GARRE1: variants seen among roughly 807,000 people sequenced by gnomAD.
GARRE1 encodes the protein granule associated Rac and RHOG effector 1.
In GARRE1, 49 loss-of-function variants were observed where a neutral mutation model predicts 103.2. The ratio of observed to expected loss-of-function variants is 0.47; its 90% CI spans 0.38 to 0.60. The LOEUF (loss-of-function observed/expected upper bound fraction) is 0.60. Among genes scored for constraint, GARRE1 ranks in the 20% least tolerant of loss-of-function variants. GARRE1 has a pLI of 0.00. For missense variants in GARRE1, 1,199 were observed against 1,370.5 expected (o/e 0.87, Z 1.98); for synonymous variants, 505 against 532.8 (o/e 0.95, Z 0.72).
chr19:34,300,722 T>A lies in GARRE1; in HGVS notation c.249T>A (p.Tyr83Ter). ...ACATCCAGCAGGGCATCTCCAAGTA[T>A]CTGGATGCCCTGAACGTCTTCTGCC... is the stretch of plus-strand genomic sequence containing the variant. Reference protein sequence around the residue: ...IADIQQGISKYLDALNVFCRA... With the variant: ...IADIQQGISK Residue 83 changes from tyrosine (Y) to a stop codon, truncating the protein, a stop_gained, in exon 2 of 14, where the codon TAT becomes TAA. Transcript: ENST00000299505. LOFTEE classifies it high-confidence loss of function. 1 of 1,614,168 alleles carries A rather than the reference T, an allele frequency of 6.2e-7. No individual in the cohort carries two copies. Among genetic ancestry groups the A allele is most frequent in the Non-Finnish European group, 8.5e-7 (1 of 1,180,024 alleles).
chr19:34,348,291 A>C, intron 11 of GARRE1: 1 of 341,954 alleles, frequency 2.9e-6, no homozygotes. Context: ...TTCAAAACAG[A>C]CTCTTCAGCC....
intron 2 of GARRE1, among the ~76,000 whole-genome samples, chr19:34,312,819 C>T (rs563373655): frequency 5.3e-5 from 8 of 152,154 alleles, no homozygotes; most frequent in African/African-American, 1.9e-4. Flanking sequence ...CCCAGTTACT[C>T]AGGAGGCTGA....
At chr19:34,325,995 A>G (rs928215260) in intron 3 of GARRE1, among the ~76,000 whole-genome samples, 4 of 151,976 alleles carry the variant, frequency 2.6e-5, no homozygotes, top group African/African-American at 7.3e-5. Context: ...TGTTTCCCGC[A>G]GTGTTTTTTC....
At chr19:34,337,648 A>G (rs886963779) in intron 8 of GARRE1, among the ~76,000 whole-genome samples, 1 of 152,200 alleles carries the variant, frequency 6.6e-6, no homozygotes, top group African/African-American at 2.4e-5. Context: ...AAGAACAGGT[A>G]GAGGGTTTTA....
At chr19:34,270,456 T>G (rs2073780470) in intron 1 of GARRE1, among the ~76,000 whole-genome samples, 1 of 152,112 alleles carries the variant, frequency 6.6e-6, no homozygotes, top group Non-Finnish European at 1.5e-5. Flanking sequence ...CTCTGCAGCT[T>G]GAGGGAAGGT....
intron 2 of GARRE1, among the ~76,000 whole-genome samples, chr19:34,317,179 T>G (rs2074063859): frequency 6.6e-6 from 1 of 152,222 alleles, no homozygotes; most frequent in African/African-American, 2.4e-5. Flanking sequence ...CCGTCTGTGT[T>G]CCTTTCCCAG....
intron 1 of GARRE1, among the ~76,000 whole-genome samples, chr19:34,298,593 C>G (rs1259980759): frequency 2.0e-5 from 3 of 151,702 alleles, no homozygotes; most frequent in African/African-American, 7.3e-5. Flanking sequence ...GCTTGTAATC[C>G]CAGCTACTCA....
chr19:34,347,233 C>T (rs971513921), intron 10 of GARRE1, among the ~76,000 whole-genome samples: 5 of 152,100 alleles, frequency 3.3e-5, no homozygotes, highest in Middle Eastern at 3.4e-3. Flanking sequence ...GGATTACAGG[C>T]GCCTGCCACC....
At chr19:34,349,746 C>T (rs1045059074) in intron 12 of GARRE1, among the ~76,000 whole-genome samples, 6 of 152,108 alleles carry the variant, frequency 3.9e-5, no homozygotes, top group Non-Finnish European at 7.4e-5. Context: ...CCCAGGCACT[C>T]GAAGCCATGC....
chr19:34,267,665 T>TTG (rs1487032669), intron 1 of GARRE1, among the ~76,000 whole-genome samples: 1 of 152,152 alleles, frequency 6.6e-6, no homozygotes, highest in Non-Finnish European at 1.5e-5. Flanking sequence ...CTTTTGCACA[T>TTG]TGTACCACAC....
At chr19:34,287,737 T>A (rs1599756785) in intron 1 of GARRE1, among the ~76,000 whole-genome samples, 1 of 152,232 alleles carries the variant, frequency 6.6e-6, no homozygotes, top group South Asian at 2.1e-4. Context: ...GAACCCTCTT[T>A]CGGGATGCAG....
intron 1 of GARRE1, among the ~76,000 whole-genome samples, chr19:34,284,934 G>A (rs1327937597): frequency 6.6e-6 from 1 of 152,190 alleles, no homozygotes; most frequent in Admixed American, 6.5e-5. Flanking sequence ...GCATATGCCT[G>A]TAGTCCCAGC....
chr19:34,333,864 T>C, intron 8 of GARRE1, 63 bp downstream of exon 8: 1 of 993,038 alleles, frequency 1.0e-6, no homozygotes, highest in Non-Finnish European at 1.6e-6. Context: ...ATCTTTGAAA[T>C]GATGGCCTTG....
rs747373182 is a variant in GARRE1, at chr19:34,352,722, C to T, written c.2980C>T (p.Pro994Ser). 23 of 1,613,982 alleles carry T rather than the reference C, an allele frequency of 1.4e-5. No individual in the cohort carries two copies. Among genetic ancestry groups the T allele is most frequent in the Admixed American group, 1.2e-4 (7 of 59,996 alleles). Reference protein sequence around the residue: ...PSPLPSTLPSPSAPLYAVTSP... With the variant: ...PSPLPSTLPSSSAPLYAVTSP... The stretch of plus-strand genomic sequence containing the variant: ...CCCGCTTCCCAGCACGCTGCCCAGC[C>T]CCAGCGCACCACTCTATGCAGTCAC... The change falls in exon 14 of 14, where the codon CCC becomes TCC. Residue 994 changes from proline (P) to serine (S), a missense_variant. Physicochemically the swap from Pro to Ser is moderately conservative, Grantham distance 74. Coordinates refer to ENST00000299505, the MANE Select transcript of GARRE1 (RefSeq NM_014686.5).
At chr19:34,345,210 C>A (rs146230429) in intron 10 of GARRE1, among the ~76,000 whole-genome samples, 1 of 152,170 alleles carries the variant, frequency 6.6e-6, no homozygotes, top group Admixed American at 6.5e-5. Flanking sequence ...ACCTCAGCCT[C>A]CTAAAGTGCT....
chr19:34,352,741 C>G lies in GARRE1; in HGVS notation c.2999C>G (p.Ala1000Gly). ...TLPSPSAPLYAVTSPGSQWND... is the reference protein window; with the variant it reads ...TLPSPSAPLYGVTSPGSQWND... ...CCCAGCCCCAGCGCACCACTCTATGCAGTCACCAGCCCTGGCAGCCAGTGG... is the reference window on the plus strand; with the variant it reads ...CCCAGCCCCAGCGCACCACTCTATGGAGTCACCAGCCCTGGCAGCCAGTGG... The change falls in exon 14 of 14, where the codon GCA (alanine) becomes GGA (glycine). Residue 1000 changes from alanine (A) to glycine (G), a missense_variant. Transcript: ENST00000299505. 6.2e-7 allele frequency: 1 copy of G among 1,614,122 alleles called. No homozygotes were observed. Among genetic ancestry groups the G allele is most frequent in the Non-Finnish European group, 8.5e-7 (1 of 1,179,996 alleles).
At chr19:34,269,647 T>C (rs749066465) in intron 1 of GARRE1, among the ~76,000 whole-genome samples, 44 of 152,094 alleles carry the variant, frequency 2.9e-4, no homozygotes, top group Admixed American at 6.6e-4. Context: ...ACTGCAACCA[T>C]GAACACCTGG....
chr19:34,330,313 C>A lies in GARRE1; in HGVS notation c.1229C>A (p.Thr410Lys). ...CPSTWRGACK[T>K]AVQLLFGQAG... ...TCCACATGGCGAGGTGCCTGCAAGACGGCGGTGCAGCTGCTGTTTGGCCAG... is the reference window on the plus strand; with the variant it reads ...TCCACATGGCGAGGTGCCTGCAAGAAGGCGGTGCAGCTGCTGTTTGGCCAG... Residue 410 changes from threonine to lysine, a missense_variant, in exon 7 of 14, where the codon ACG becomes AAG. Transcript: ENST00000299505. 6.2e-7 allele frequency: 1 copy of A among 1,614,176 alleles called. No homozygotes were observed. Among genetic ancestry groups the A allele is most frequent in the Non-Finnish European group, 8.5e-7 (1 of 1,180,036 alleles).
At position 34,319,987 on chromosome 19, in the gene GARRE1, G is replaced by A. The variant is rs752282451; in HGVS notation, c.576G>A (p.Val192=). 6.2e-7 allele frequency: 1 copy of A among 1,614,236 alleles called. No individual in the cohort carries two copies. Among genetic ancestry groups the A allele is most frequent in the Admixed American group, 1.7e-5 (1 of 60,022 alleles). ...LTHALQKVQP[V]AHSCFAEVIV... ...ATGCGTTACAGAAGGTCCAGCCGGT[G>A]GCTCACTCTTGCTTTGCTGAGGTCA... Residue 192 remains valine (V), a synonymous_variant, in exon 3 of 14, where the codon GTG becomes GTA. Coordinates refer to ENST00000299505, the MANE Select transcript of GARRE1 (RefSeq NM_014686.5).
Sources: allele counts gnomAD v4.1 joint callset (sites outside exome capture counted in the v4.1 genomes callset), GRCh38; gene constraint gnomAD v4.1.1; transcripts MANE v1.5; gene names NCBI Gene and HGNC (gene_info 2026-07-23, HGNC 2026-07-21).